PPP1R21: variants seen among roughly 807,000 people sequenced by gnomAD.
PPP1R21 encodes protein phosphatase 1 regulatory subunit 21.
In PPP1R21, 85 loss-of-function variants were observed where a neutral mutation model predicts 112.8. The ratio of observed to expected loss-of-function variants is 0.75; its 90% CI spans 0.63 to 0.90. PPP1R21 has a LOEUF of 0.90. Among genes scored for constraint, PPP1R21 ranks in the 40% least tolerant of loss-of-function variants. The pLI is 0.00. For synonymous variants in PPP1R21, 381 were observed against 322.3 expected (o/e 1.18, Z -1.95); for missense variants, 1,199 against 901.5 (o/e 1.33, Z -4.23).
Position 48,483,195 on chromosome 2 carries a change from CTTTTTTTTTTT to C in PPP1R21, c.1318+3193_1318+3203del, listed in dbSNP as rs755036470. On this transcript the variant is annotated intron_variant, in intron 13 of 21. Transcript: ENST00000294952. The stretch of plus-strand genomic sequence containing the variant: ...TATAAAATAAAGATACTTTTTTTTC[CTTTTTTTTTTT>C]TTTTTTTTTTTTTGAGACAAGTCTC... Among the ~76,000 whole-genome samples, 547 of 80,966 alleles carry C rather than the reference CTTTTTTTTTTT, an allele frequency of 6.8e-3. 5 individuals carry two copies. Among genetic ancestry groups the C allele is most frequent in the African/African-American group, 0.026 (505 of 19,460 alleles). The allele number at this position is 80,966 out of a possible 152,430, so 53.1% of individuals were successfully genotyped here.
chr2:48,505,475 C>T (rs1165459061), intron 17 of PPP1R21, 89 bp from the exon 18 acceptor site: 35 of 959,336 alleles, frequency 3.6e-5, no homozygotes, highest in African/African-American at 9.7e-5. Context: ...GCTCTGTGAA[C>T]GGAGAGGAGA....
chr2:48,498,824 C>T lies in PPP1R21; in HGVS notation c.1935+89C>T. ...TTCAACATTAACCATTGTCTTAGTTCATTCAGGCTGCTATATCAAAATACC... is the reference window on the plus strand; with the variant it reads ...TTCAACATTAACCATTGTCTTAGTTTATTCAGGCTGCTATATCAAAATACC... On this transcript the variant is annotated intron_variant, in intron 17 of 21. Coordinates refer to ENST00000294952, the MANE Select transcript of PPP1R21 (RefSeq NM_001135629.3). The T allele has an allele frequency of 5.4e-6, 7 of 1,306,786 alleles. No homozygotes were observed. The South Asian group carries it at 9.2e-5, about 17-fold the overall frequency. The allele number at this position is 1,306,786 out of a possible 1,614,324, so 80.9% of individuals were successfully genotyped here.
Position 48,451,040 on chromosome 2 carries a change from T to C in PPP1R21, c.90T>C (p.Gly30=), listed in dbSNP as rs1385160139. 6.2e-7 allele frequency: 1 copy of C among 1,613,774 alleles called. No individual in the cohort carries two copies. Among genetic ancestry groups the C allele is most frequent in the Non-Finnish European group, 8.5e-7 (1 of 1,179,766 alleles). The change falls in exon 2 of 22, where the codon GGT becomes GGC. Residue 30 remains glycine, a synonymous_variant. Transcript: ENST00000294952. ...CTCAGAATCAGGTTCTGAAAAAAGG[T>C]GTTGTGGATGAACAAGCAAATTCTG... ...LRAQNQVLKK[G]VVDEQANSAA... is the part of the protein sequence containing the mutation.
intron 17 of PPP1R21, among the ~76,000 whole-genome samples, chr2:48,504,910 C>T (rs959295496): frequency 6.6e-6 from 1 of 152,092 alleles, no homozygotes; most frequent in African/African-American, 2.4e-5. Flanking sequence ...CGGAGGATCT[C>T]TTGAGCCCAG....
intron 3 of PPP1R21, among the ~76,000 whole-genome samples, chr2:48,457,572 A>T (rs150092247): frequency 2.0e-3 from 309 of 152,332 alleles, no homozygotes; most frequent in Non-Finnish European, 3.5e-3. Flanking sequence ...AAAAATTTAA[A>T]GGAAGGGATT....
intron 11 of PPP1R21, 118 bp downstream of exon 11, chr2:48,471,485 G>T: frequency 9.9e-7 from 1 of 1,012,466 alleles, no homozygotes; most frequent in Non-Finnish European, 1.4e-6. Context: ...CTGCTTCACA[G>T]TTAATTTGGA....
intron 15 of PPP1R21, among the ~76,000 whole-genome samples, chr2:48,492,354 C>CT (rs999160438): frequency 9.2e-5 from 14 of 151,814 alleles, no homozygotes; most frequent in African/African-American, 3.4e-4. Flanking sequence ...TTTTCTTGTC[C>CT]TTTTTTCTTC....
At chr2:48,458,324 G>T in intron 4 of PPP1R21, 97 bp downstream of exon 4, 1 of 718,398 alleles carries the variant, frequency 1.4e-6, no homozygotes, top group South Asian at 1.5e-5. Context: ...TGTCTGCGTG[G>T]GTATTTTAAT....
At chr2:48,457,989 A>T in intron 3 of PPP1R21, 137 bp from the exon 4 acceptor site, 1 of 661,146 alleles carries the variant, frequency 1.5e-6, no homozygotes, top group Non-Finnish European at 2.9e-6. Flanking sequence ...GATGAACTGT[A>T]TAGCTTTTGC....
At chr2:48,446,004 G>C (rs1055058323) in intron 1 of PPP1R21, among the ~76,000 whole-genome samples, 3 of 152,168 alleles carry the variant, frequency 2.0e-5, no homozygotes, top group Non-Finnish European at 4.4e-5. Context: ...CAGGGTTTTG[G>C]TGTGGCATAG....
chr2:48,477,420 C>G (rs1165675529), intron 12 of PPP1R21, among the ~76,000 whole-genome samples: 1 of 152,162 alleles, frequency 6.6e-6, no homozygotes, highest in Non-Finnish European at 1.5e-5. Flanking sequence ...CACACCCAAC[C>G]TCATTTTAAT....
chr2:48,491,307 G>A (rs1669553359), intron 15 of PPP1R21, 137 bp downstream of exon 15: 2 of 928,716 alleles, frequency 2.2e-6, no homozygotes, highest in Non-Finnish European at 3.1e-6. Flanking sequence ...GGGTGTTGGG[G>A]GAGGGCTGTG....
At chr2:48,489,354 A>G (rs1269920897) in intron 14 of PPP1R21, among the ~76,000 whole-genome samples, 1 of 151,244 alleles carries the variant, frequency 6.6e-6, no homozygotes, top group African/African-American at 2.4e-5. Flanking sequence ...TTAAAAAATC[A>G]GCCACACATG....
At chr2:48,458,410 T>C (rs1250119423) in intron 4 of PPP1R21, among the ~76,000 whole-genome samples, 183 bp downstream of exon 4, 1 of 152,216 alleles carries the variant, frequency 6.6e-6, no homozygotes, top group East Asian at 1.9e-4. Flanking sequence ...TTAATGTGGA[T>C]GTGTGCTTTG....
At chr2:48,473,191 A>G (rs1315943710) in intron 11 of PPP1R21, among the ~76,000 whole-genome samples, 1 of 151,932 alleles carries the variant, frequency 6.6e-6, no homozygotes, top group Non-Finnish European at 1.5e-5. Context: ...ATTTGTGCAT[A>G]TGATAGGATA....
At chr2:48,470,644 G>T (rs528157809) in intron 9 of PPP1R21, among the ~76,000 whole-genome samples, 1 of 151,866 alleles carries the variant, frequency 6.6e-6, no homozygotes, top group South Asian at 2.1e-4. Flanking sequence ...TTAAAAATTG[G>T]GTATATAACA....
intron 9 of PPP1R21, among the ~76,000 whole-genome samples, chr2:48,468,986 G>A (rs1428889946): frequency 6.6e-6 from 1 of 151,940 alleles, no homozygotes; most frequent in Non-Finnish European, 1.5e-5. Flanking sequence ...CACATGGCTG[G>A]GGAGGCCTCA....
At position 48,465,572 on chromosome 2, in the gene PPP1R21, A is replaced by G; in HGVS notation, c.827A>G (p.Tyr276Cys). 13 of 1,613,940 alleles carry G rather than the reference A, an allele frequency of 8.1e-6. No individual in the cohort carries two copies. The highest frequency in any genetic ancestry group is 1.1e-5 in the Non-Finnish European group (13 of 1,179,872). The change falls in exon 9 of 22, where the codon TAC (tyrosine) becomes TGC (cysteine). Residue 276 changes from tyrosine (Y) to cysteine (C), a missense_variant. Tyr to Cys is a radical substitution (Grantham distance 194). Coordinates refer to ENST00000294952, the MANE Select transcript of PPP1R21 (RefSeq NM_001135629.3). ...LVTALLNFHT[Y>C]TEQRIQIFPV... ...ACGGCTCTTCTAAACTTTCATACCTACACAGAACAGAGGATTCAAATTTTT... is the reference window on the plus strand; with the variant it reads ...ACGGCTCTTCTAAACTTTCATACCTGCACAGAACAGAGGATTCAAATTTTT...
At chr2:48,490,113 G>T (rs908138149) in intron 14 of PPP1R21, among the ~76,000 whole-genome samples, 10 of 151,318 alleles carry the variant, frequency 6.6e-5, no homozygotes, top group African/African-American at 2.2e-4. Context: ...CAGCTACTCA[G>T]GCGGCTGAGG....
Sources: gnomAD v4.1 joint callset for allele counts (sites outside exome capture counted in the v4.1 genomes callset) on GRCh38, gnomAD v4.1.1 for gene constraint, MANE v1.5 for transcripts, NCBI Gene and HGNC (gene_info 2026-07-23, HGNC 2026-07-21) for gene names.